QTMAN: variants seen among roughly 807,000 people sequenced by gnomAD.
The protein encoded by QTMAN is tRNA-queuosine alpha-mannosyltransferase.
the QTMAN span, among the ~76,000 whole-genome samples, chr2:144,231,948 C>T: frequency 2.0e-5 from 3 of 150,448 alleles, no homozygotes; most frequent in Non-Finnish European, 4.4e-5. Flanking sequence ...GGATTCAAGA[C>T]AGTCATGAAC....
the QTMAN span, among the ~76,000 whole-genome samples, chr2:144,105,574 A>C: frequency 6.6e-6 from 1 of 152,228 alleles, no homozygotes; most frequent in South Asian, 2.1e-4. Flanking sequence ...AAAAGAAATG[A>C]GCAAAGCCTC....
At chr2:144,081,722 A>G in the QTMAN span, among the ~76,000 whole-genome samples, 2 of 152,128 alleles carry the variant, frequency 1.3e-5, no homozygotes, top group African/African-American at 4.8e-5. Context: ...ACTGTTGGGA[A>G]TCTGTTCTTG....
chr2:144,200,070 T>A, the QTMAN span, among the ~76,000 whole-genome samples: 1 of 152,204 alleles, frequency 6.6e-6, no homozygotes, highest in Non-Finnish European at 1.5e-5. Flanking sequence ...TAAAGATTCA[T>A]TTTTGTGGGG....
the QTMAN span, among the ~76,000 whole-genome samples, chr2:144,115,107 T>C: frequency 1.3e-5 from 2 of 152,040 alleles, no homozygotes; most frequent in East Asian, 3.9e-4. Flanking sequence ...GGCACACAAC[T>C]GTACTCCCAG....
the QTMAN span, chr2:143,944,520 G>T: frequency 6.6e-6 from 1 of 152,146 alleles, no homozygotes; most frequent in East Asian, 1.9e-4. Context: ...TCGGCTCACT[G>T]CAAGCTCCGC....
chr2:144,011,211 C>T, the QTMAN span, among the ~76,000 whole-genome samples: 2 of 152,044 alleles, frequency 1.3e-5, no homozygotes, highest in Admixed American at 1.3e-4. Flanking sequence ...AGTTTTCATA[C>T]ACTCTGTGGT....
At chr2:144,316,146 CGA>C in the QTMAN span, among the ~76,000 whole-genome samples, 1 of 151,676 alleles carries the variant, frequency 6.6e-6, no homozygotes, top group East Asian at 1.9e-4. Context: ...GAGGCTGGGA[CGA>C]GAGGACTGCT....
At chr2:144,037,365 G>A in the QTMAN span, among the ~76,000 whole-genome samples, 2 of 152,142 alleles carry the variant, frequency 1.3e-5, no homozygotes, top group African/African-American at 2.4e-5. Flanking sequence ...ATAATGAGAT[G>A]TCATTTAGTA....
chr2:144,138,232 GGA>G, the QTMAN span, among the ~76,000 whole-genome samples: 1 of 151,940 alleles, frequency 6.6e-6, no homozygotes, highest in Non-Finnish European at 1.5e-5. Flanking sequence ...AATAAGATGT[GGA>G]CTACGAACTG....
At chr2:143,954,468 C>A in the QTMAN span, among the ~76,000 whole-genome samples, 1 of 152,046 alleles carries the variant, frequency 6.6e-6, no homozygotes, top group East Asian at 1.9e-4. Flanking sequence ...TGAATATGTA[C>A]CATGCCGTTT....
chr2:143,993,877 G>A, the QTMAN span, among the ~76,000 whole-genome samples: 3 of 152,116 alleles, frequency 2.0e-5, no homozygotes, highest in Admixed American at 6.5e-5. Context: ...ATAAACAGGA[G>A]TATAAAAGAG....
At chr2:144,065,762 CTTT>C in the QTMAN span, among the ~76,000 whole-genome samples, 4 of 132,500 alleles carry the variant, frequency 3.0e-5, no homozygotes, top group Admixed American at 7.6e-5. Context: ...AAGAAAATAA[CTTT>C]TTTTTTTTTT....
At chr2:144,296,129 C>G in the QTMAN span, among the ~76,000 whole-genome samples, 1 of 152,010 alleles carries the variant, frequency 6.6e-6, no homozygotes, top group African/African-American at 2.4e-5. Context: ...AGACTCAGGA[C>G]AGATGGACAA....
the QTMAN span, among the ~76,000 whole-genome samples, chr2:144,130,603 C>A: frequency 6.6e-6 from 1 of 151,834 alleles, no homozygotes; most frequent in Non-Finnish European, 1.5e-5. Context: ...ATAATAACAA[C>A]AATCATTTAT....
At chr2:144,290,899 A>G in the QTMAN span, among the ~76,000 whole-genome samples, 1 of 152,182 alleles carries the variant, frequency 6.6e-6, no homozygotes, top group African/African-American at 2.4e-5. Flanking sequence ...ATAACAATGT[A>G]CCACAAACTG....
At chr2:144,050,607 T>C in the QTMAN span, among the ~76,000 whole-genome samples, 5 of 152,206 alleles carry the variant, frequency 3.3e-5, no homozygotes, top group African/African-American at 1.2e-4. Flanking sequence ...AAAAGGGCAA[T>C]TGATTTTTTT....
At chr2:144,035,259 C>A in the QTMAN span, among the ~76,000 whole-genome samples, 1 of 152,140 alleles carries the variant, frequency 6.6e-6, no homozygotes, top group Non-Finnish European at 1.5e-5. Context: ...TTTCCTGAGG[C>A]CTCCCCAGCC....
At chr2:144,195,301 A>AT in the QTMAN span, among the ~76,000 whole-genome samples, 1 of 152,104 alleles carries the variant, frequency 6.6e-6, no homozygotes. Flanking sequence ...TCAAAACTGT[A>AT]TTTTTTAATA....
the QTMAN span, chr2:143,940,959 T>C: frequency 1.3e-5 from 2 of 152,238 alleles, no homozygotes; most frequent in East Asian, 1.9e-4. Flanking sequence ...TGGTGTAACA[T>C]GAAATACACC....
Sources: gnomAD v4.1 joint callset for allele counts (sites outside exome capture counted in the v4.1 genomes callset) on GRCh38, gnomAD v4.1.1 for gene constraint, MANE v1.5 for transcripts, NCBI Gene and HGNC (gene_info 2026-07-23, HGNC 2026-07-21) for gene names.